The following CCSER1 variants were observed in gnomAD, a reference collection of about 807,000 sequenced individuals.
CCSER1 encodes serine-rich coiled-coil domain-containing protein 1.
Under a neutral mutation model 82.0 loss-of-function variants are expected in CCSER1, and 41 were observed. The ratio of observed to expected loss-of-function variants is 0.50; its 90% CI spans 0.39 to 0.65. The LOEUF (loss-of-function observed/expected upper bound fraction) is 0.65, where lower values mean the gene tolerates loss of function less well. Ranked by LOEUF, CCSER1 falls within the 30% of genes least tolerant of loss-of-function variation. CCSER1 has a pLI of 0.00. For missense variants in CCSER1, 1,119 were observed against 1,064.2 expected (o/e 1.05, Z -0.72); for synonymous variants, 414 against 383.9 (o/e 1.08, Z -0.92).
intron 10 of CCSER1, among the ~76,000 whole-genome samples, chr4:91,151,137 C>G (rs778741460): frequency 6.6e-6 from 1 of 152,110 alleles, no homozygotes; most frequent in African/African-American, 2.4e-5. Flanking sequence ...ATTATTGCCT[C>G]AATTTCAGAG....
rs187636446 is a variant in CCSER1, at chr4:90,753,597, A to G, written c.2010+29606A>G. Among the ~76,000 whole-genome samples the G allele has an allele frequency of 4.0e-3, 611 of 152,128 alleles. 3 individuals carry two copies. Among genetic ancestry groups the G allele is most frequent in the African/African-American group, 0.014 (576 of 41,536 alleles). On this transcript the variant is annotated intron_variant, in intron 7 of 10. Coordinates refer to ENST00000509176, the MANE Select transcript of CCSER1 (RefSeq NM_001145065.2). ...TTCCACGTACACTATTATCAGTATC[A>G]TTTCTCACCTAGACTACTGCAGTGG...
intron 7 of CCSER1, among the ~76,000 whole-genome samples, chr4:90,754,363 G>A (rs1749171446): frequency 6.6e-6 from 1 of 152,080 alleles, no homozygotes; most frequent in Admixed American, 6.6e-5. Context: ...GTGTATGTGT[G>A]AGCATATATA....
chr4:91,528,377 A>G (rs533699011), intron 10 of CCSER1, among the ~76,000 whole-genome samples: 3 of 152,322 alleles, frequency 2.0e-5, no homozygotes, highest in South Asian at 2.1e-4. Context: ...CTAACCTCCT[A>G]TAAACAAATG....
intron 4 of CCSER1, among the ~76,000 whole-genome samples, chr4:90,435,807 A>C (rs1265844082): frequency 6.6e-6 from 1 of 152,118 alleles, no homozygotes; most frequent in Non-Finnish European, 1.5e-5. Flanking sequence ...CCAGGGCAGC[A>C]GATAATAGAG....
At chr4:91,027,776 C>T (rs1740621822) in intron 9 of CCSER1, among the ~76,000 whole-genome samples, 1 of 151,950 alleles carries the variant, frequency 6.6e-6, no homozygotes, top group Admixed American at 6.6e-5. Flanking sequence ...GGAACCAGGC[C>T]CTGTTTTCTT....
intron 10 of CCSER1, among the ~76,000 whole-genome samples, chr4:91,588,525 A>C (rs1678222805): frequency 6.6e-6 from 1 of 151,668 alleles, no homozygotes. Flanking sequence ...CTTATTCCTT[A>C]TTTATACTAT....
chr4:90,390,654 G>A (rs1269934292), intron 3 of CCSER1, among the ~76,000 whole-genome samples: 1 of 152,128 alleles, frequency 6.6e-6, no homozygotes, highest in Non-Finnish European at 1.5e-5. Flanking sequence ...TAGTGTATAT[G>A]CACCACATTT....
chr4:90,959,836 C>T (rs1468694389), intron 9 of CCSER1, among the ~76,000 whole-genome samples: 1 of 151,514 alleles, frequency 6.6e-6, no homozygotes, highest in East Asian at 1.9e-4. Flanking sequence ...CTCTTCTTGC[C>T]TGTGACCTCT....
intron 9 of CCSER1, among the ~76,000 whole-genome samples, chr4:90,954,723 C>A (rs1236497477): frequency 6.6e-6 from 1 of 151,958 alleles, no homozygotes; most frequent in Non-Finnish European, 1.5e-5. Context: ...AAGTAAGTTT[C>A]AACTAGGGAA....
At chr4:90,483,258 A>T (rs1476328706) in intron 5 of CCSER1, among the ~76,000 whole-genome samples, 2 of 152,086 alleles carry the variant, frequency 1.3e-5, no homozygotes, top group African/African-American at 4.8e-5. Flanking sequence ...TTTTGAGCCT[A>T]TGTGTGTCTC....
intron 10 of CCSER1, among the ~76,000 whole-genome samples, chr4:91,155,348 T>C (rs530907639): frequency 3.3e-5 from 5 of 152,042 alleles, no homozygotes; most frequent in Admixed American, 2.0e-4. Context: ...TTTTTGCTCT[T>C]TCTTCATCTT....
intron 10 of CCSER1, among the ~76,000 whole-genome samples, chr4:91,132,780 T>C (rs1369174993): frequency 6.6e-6 from 1 of 152,184 alleles, no homozygotes; most frequent in Non-Finnish European, 1.5e-5. Flanking sequence ...AACATAACTT[T>C]CAGTTTAGAA....
chr4:90,644,465 T>G (rs1727129850), intron 6 of CCSER1, among the ~76,000 whole-genome samples: 1 of 152,062 alleles, frequency 6.6e-6, no homozygotes, highest in Non-Finnish European at 1.5e-5. Flanking sequence ...TTTTTTTTAT[T>G]TAATTTAATT....
intron 9 of CCSER1, among the ~76,000 whole-genome samples, chr4:90,962,807 G>A (rs372342013): frequency 2.6e-5 from 4 of 152,146 alleles, no homozygotes; most frequent in South Asian, 4.1e-4. Flanking sequence ...ACTGTAGCCA[G>A]AGTGTGCATG....
At chr4:90,410,490 C>T (rs1480684415) in intron 4 of CCSER1, among the ~76,000 whole-genome samples, 3 of 152,150 alleles carry the variant, frequency 2.0e-5, no homozygotes, top group Non-Finnish European at 4.4e-5. Flanking sequence ...CTCAAAACCG[C>T]TCAAGTACAT....
At chr4:91,040,037 G>A (rs1451117183) in intron 9 of CCSER1, among the ~76,000 whole-genome samples, 1 of 152,068 alleles carries the variant, frequency 6.6e-6, no homozygotes, top group African/African-American at 2.4e-5. Context: ...CTTTGAAGCA[G>A]GTTGAATTTA....
At chr4:90,626,008 G>A (rs1301851057) in intron 5 of CCSER1, among the ~76,000 whole-genome samples, 1 of 152,006 alleles carries the variant, frequency 6.6e-6, no homozygotes, top group Admixed American at 6.6e-5. Flanking sequence ...ATCCATGACT[G>A]ACCAAATAAT....
intron 10 of CCSER1, among the ~76,000 whole-genome samples, chr4:91,127,281 A>C (rs1727601546): frequency 6.6e-6 from 1 of 152,084 alleles, no homozygotes; most frequent in Non-Finnish European, 1.5e-5. Flanking sequence ...ATGTGAAAAA[A>C]ATTGAGAGAT....
intron 1 of CCSER1, among the ~76,000 whole-genome samples, chr4:90,138,135 A>G (rs545430204): frequency 1.3e-4 from 20 of 152,272 alleles, no homozygotes; most frequent in African/African-American, 4.3e-4. Flanking sequence ...GATACTCAGT[A>G]TGGAAGTGAG....
Sources: allele counts gnomAD v4.1 joint callset (sites outside exome capture counted in the v4.1 genomes callset), GRCh38; gene constraint gnomAD v4.1.1; transcripts MANE v1.5; gene names NCBI Gene and HGNC (gene_info 2026-07-23, HGNC 2026-07-21).